The following WDR64 variants were observed in gnomAD, a reference collection of about 807,000 sequenced individuals.
WDR64 encodes WD repeat-containing protein 64.
In WDR64, 112 loss-of-function variants were observed where a neutral mutation model predicts 139.3. The ratio of observed to expected loss-of-function variants is 0.80; its 90% CI spans 0.69 to 0.94. The LOEUF (loss-of-function observed/expected upper bound fraction) is 0.94. WDR64 is among the 40% of genes least tolerant of loss of function. WDR64 has a pLI of 0.00. For synonymous variants in WDR64, 444 were observed against 437.7 expected (o/e 1.01, Z -0.18); for missense variants, 1,206 against 1,293.1 (o/e 0.93, Z 1.03).
intron 4 of WDR64, among the ~76,000 whole-genome samples, chr1:241,677,563 C>T (rs1666603335): frequency 1.3e-5 from 2 of 152,170 alleles, no homozygotes; most frequent in Admixed American, 6.5e-5. Flanking sequence ...ATCTTGGGAG[C>T]AATTTCCATG....
intron 15 of WDR64, among the ~76,000 whole-genome samples, chr1:241,764,415 G>C (rs1658054391): frequency 6.6e-6 from 1 of 152,152 alleles, no homozygotes; most frequent in African/African-American, 2.4e-5. Context: ...CATTTTGGGA[G>C]GCCAAGGTGA....
At chr1:241,770,549 G>A in intron 17 of WDR64, 72 bp from the exon 18 acceptor site, 1 of 1,373,806 alleles carries the variant, frequency 7.3e-7, no homozygotes, top group South Asian at 1.3e-5. Context: ...AATTAAAGCA[G>A]AGAAGCACAC....
chr1:241,734,316 C>T, intron 10 of WDR64, among the ~76,000 whole-genome samples: 1 of 152,090 alleles, frequency 6.6e-6, no homozygotes, highest in East Asian at 1.9e-4. Flanking sequence ...ACCTTGGGTA[C>T]ATGTCGTGAG....
chr1:241,764,984 G>C (rs1448658184), intron 15 of WDR64, among the ~76,000 whole-genome samples: 1 of 152,082 alleles, frequency 6.6e-6, no homozygotes, highest in Non-Finnish European at 1.5e-5. Context: ...TCAGGAATTT[G>C]AGACCAGCCT....
At chr1:241,713,161 A>G (rs973278428) in intron 9 of WDR64, among the ~76,000 whole-genome samples, 4 of 150,582 alleles carry the variant, frequency 2.7e-5, no homozygotes, top group African/African-American at 1.0e-4. Context: ...AAAAATTAAA[A>G]ATTAGCTGAG....
At chr1:241,795,099 C>CGTGT in intron 25 of WDR64, 108 bp from the exon 26 acceptor site, 1 of 894,796 alleles carries the variant, frequency 1.1e-6, no homozygotes, top group East Asian at 2.5e-5. Flanking sequence ...AGGGAAGTCC[C>CGTGT]TTAAGATCAC....
intron 23 of WDR64, among the ~76,000 whole-genome samples, chr1:241,787,436 G>A (rs967006302): frequency 9.2e-5 from 14 of 151,712 alleles, no homozygotes; most frequent in African/African-American, 2.4e-4. Context: ...AGGCCAAGGC[G>A]GGCAGATCAC....
At chr1:241,751,999 T>C (rs924209715) in intron 14 of WDR64, among the ~76,000 whole-genome samples, 2 of 152,252 alleles carry the variant, frequency 1.3e-5, no homozygotes, top group South Asian at 2.1e-4. Context: ...CAAAGCACTA[T>C]GGGGGTTCCA....
intron 23 of WDR64, among the ~76,000 whole-genome samples, chr1:241,784,173 G>A (rs919652559): frequency 1.3e-5 from 2 of 152,216 alleles, no homozygotes; most frequent in Admixed American, 1.3e-4. Context: ...ACAGTGTCCA[G>A]GAGGCACTGG....
intron 4 of WDR64, chr1:241,676,284 T>A (rs1666551436): frequency 6.6e-6 from 1 of 152,224 alleles, no homozygotes; most frequent in South Asian, 2.1e-4. Flanking sequence ...TGGTTCCTCA[T>A]CCCGAATCAT....
Position 241,652,430 on chromosome 1 carries a change from T to C in WDR64, c.-55T>C. On this transcript the variant is annotated 5_prime_UTR_variant, in exon 1 of 28. Coordinates refer to ENST00000437684, the MANE Select transcript of WDR64 (RefSeq NM_001367482.1). ...TGTAACAACTGGAAAGTTTTCCAAA[T>C]TGGTAAACTTGCAGTATTCTTTCTG... 6 of 1,513,920 alleles carry C rather than the reference T, an allele frequency of 4.0e-6. No individual in the cohort carries two copies. Among genetic ancestry groups the C allele is most frequent in the Admixed American group, 2.3e-5 (1 of 44,278 alleles). The allele number at this position is 1,513,920 out of a possible 1,614,324, so 93.8% of individuals were successfully genotyped here.
At chr1:241,738,098 C>G (rs1317701747) in intron 10 of WDR64, among the ~76,000 whole-genome samples, 1 of 152,090 alleles carries the variant, frequency 6.6e-6, no homozygotes, top group Non-Finnish European at 1.5e-5. Flanking sequence ...TACTATGTTC[C>G]TTCCCTATAA....
At chr1:241,684,947 C>T (rs1040766478) in intron 7 of WDR64, among the ~76,000 whole-genome samples, 3 of 152,042 alleles carry the variant, frequency 2.0e-5, no homozygotes, top group South Asian at 2.1e-4. Context: ...TTAGTAGCAA[C>T]GGGGTTTCAC....
At chr1:241,754,842 T>TA (rs745552812) in intron 14 of WDR64, among the ~76,000 whole-genome samples, 1 of 152,210 alleles carries the variant, frequency 6.6e-6, no homozygotes, top group Non-Finnish European at 1.5e-5. Context: ...GTTCCTGTGT[T>TA]GTTTGCTGAG....
chr1:241,792,687 C>G (rs1191895069), intron 25 of WDR64, among the ~76,000 whole-genome samples: 1 of 152,182 alleles, frequency 6.6e-6, no homozygotes, highest in Non-Finnish European at 1.5e-5. Context: ...CAGAGGAGGA[C>G]TCCATAGGAG....
chr1:241,757,194 C>T (rs1670225037), intron 14 of WDR64, 89 bp from the exon 15 acceptor site: 1 of 1,154,040 alleles, frequency 8.7e-7, no homozygotes, highest in African/African-American at 1.6e-5. Context: ...GTAGATACAT[C>T]ATTGTAGGTT....
chr1:241,788,716 C>A (rs941922158), intron 24 of WDR64, among the ~76,000 whole-genome samples: 1 of 152,168 alleles, frequency 6.6e-6, no homozygotes, highest in Non-Finnish European at 1.5e-5. Flanking sequence ...AGAAGCCACA[C>A]AGGATTTGGA....
At chr1:241,769,061 G>A (rs1658307234) in intron 16 of WDR64, among the ~76,000 whole-genome samples, 1 of 152,134 alleles carries the variant, frequency 6.6e-6, no homozygotes, top group Non-Finnish European at 1.5e-5. Flanking sequence ...GAGCCCAGGA[G>A]TTCAAGACCA....
At chr1:241,740,546 CTT>C (rs1669496843) in intron 11 of WDR64, among the ~76,000 whole-genome samples, 1 of 152,100 alleles carries the variant, frequency 6.6e-6, no homozygotes, top group Admixed American at 6.5e-5. Flanking sequence ...TTTGGAGAAA[CTT>C]GAGAAACTCA....
Sources: allele counts gnomAD v4.1 joint callset (sites outside exome capture counted in the v4.1 genomes callset), GRCh38; gene constraint gnomAD v4.1.1; transcripts MANE v1.5; gene names NCBI Gene and HGNC (gene_info 2026-07-23, HGNC 2026-07-21).